The following LONP1 variants were observed in gnomAD, a reference collection of about 807,000 sequenced individuals.
The protein encoded by LONP1 is lon protease homolog, mitochondrial.
A neutral mutation model predicts 98.5 loss-of-function variants in LONP1; 31 were observed. The observed-to-expected ratio is 0.31, with a 90% CI of 0.24 to 0.42. The LOEUF (loss-of-function observed/expected upper bound fraction) is 0.42. Among genes scored for constraint, LONP1 ranks in the 20% least tolerant of loss-of-function variants. LONP1 has a pLI of 1.00. For missense variants in LONP1, 1,336 were observed against 1,350.6 expected (o/e 0.99, Z 0.17); for synonymous variants, 781 against 594.7 (o/e 1.31, Z -4.56).
chr19:5,694,202 AC>A (rs1216798602), intron 15 of LONP1, among the ~76,000 whole-genome samples, 184 bp downstream of exon 15: 1 of 151,188 alleles, frequency 6.6e-6, no homozygotes, highest in African/African-American at 2.4e-5. Context: ...GTGTGCTGCC[AC>A]CCCCATGTGT....
chr19:5,700,107 T>TA (rs986642976), intron 9 of LONP1, among the ~76,000 whole-genome samples: 3 of 151,756 alleles, frequency 2.0e-5, no homozygotes, highest in African/African-American at 7.3e-5. Context: ...CCAGGCTAAT[T>TA]AAAAAAAATT....
Position 5,692,181 on chromosome 19 carries a change from C to T in LONP1, c.2731G>A (p.Val911Ile), listed in dbSNP as rs1062373. Residue 911 changes from valine to isoleucine, a missense_variant, in exon 18 of 18, where the codon GTC (valine) becomes ATC (isoleucine). This residue lies in a region of LONP1 where 555 missense variants were observed against 542.6 expected (regional missense o/e 1.02). Transcript: ENST00000360614. ...AAKRAGVTCI[V>I]LPAENKKDFY... ...TCCTTCTTGTTCTCGGCTGGCAGGA[C>T]GATGCACGTCACCCCTGCGCGCTTG... The T allele has an allele frequency of 0.024, 38,331 of 1,613,802 alleles. 567 individuals carry two copies. Among genetic ancestry groups the T allele is most frequent in the East Asian group, 0.027 (1,212 of 44,876 alleles).
intron 8 of LONP1, among the ~76,000 whole-genome samples, chr19:5,702,832 G>A (rs2055079773): frequency 6.6e-6 from 1 of 151,102 alleles, no homozygotes; most frequent in Non-Finnish European, 1.5e-5. Flanking sequence ...TGCTGGTTAA[G>A]AGTCATCACC....
At chr19:5,715,559 G>A (rs569870107) in intron 1 of LONP1, among the ~76,000 whole-genome samples, 98 of 140,032 alleles carry the variant, frequency 7.0e-4, no homozygotes, top group South Asian at 2.5e-3. Flanking sequence ...GGAGAATGGC[G>A]TGAACCCGGG....
At chr19:5,703,657 G>A (rs1371143341) in intron 8 of LONP1, among the ~76,000 whole-genome samples, 5 of 151,340 alleles carry the variant, frequency 3.3e-5, no homozygotes, top group Non-Finnish European at 7.4e-5. Flanking sequence ...AGGCCAGCTG[G>A]GCCACACGGA....
Position 5,719,965 on chromosome 19 carries a change from G to A in LONP1, c.168C>T (p.Gly56=), listed in dbSNP as rs761820720. The change falls in exon 1 of 18, where the codon GGC becomes GGT. Residue 56 remains glycine, a synonymous_variant. Transcript: ENST00000360614. ...ATTGGCCCCCAATTGCCGGGCCTCG[G>A]CCCCACAGTGCCCAAGGAGGAGAGG... ...CDASPPWALW[G]RGPAIGGQWR... is the part of the protein sequence containing the mutation. The A allele has an allele frequency of 5.7e-6, 9 of 1,576,608 alleles. No individual in the cohort carries two copies. In the African/African-American group the frequency reaches 1.2e-4, roughly 21 times the overall value.
At chr19:5,693,887 G>A (rs2054877354) in intron 15 of LONP1, 118 bp from the exon 16 acceptor site, 2 of 837,476 alleles carry the variant, frequency 2.4e-6, no homozygotes, top group Non-Finnish European at 3.8e-6. Context: ...GGTGCCCCTG[G>A]GCAGGGGTTG....
At position 5,696,359 on chromosome 19, in the gene LONP1, C is replaced by T. The variant is rs146515571; in HGVS notation, c.1786G>A (p.Gly596Ser). The change falls in exon 12 of 18, where the codon GGC becomes AGC. Residue 596 changes from glycine to serine, a missense_variant. By Grantham distance (56) the Gly-to-Ser change is moderately conservative. This residue lies in a region of LONP1 where 555 missense variants were observed against 542.6 expected (regional missense o/e 1.02). Transcript: ENST00000360614. Reference sequence around the variant, plus strand: ...GACGGGTCCCCCTGGTAGCCTCGGCCGATCTTGTCCACCTGGGGCAGCAGA... The same window carrying T: ...GACGGGTCCCCCTGGTAGCCTCGGCTGATCTTGTCCACCTGGGGCAGCAGA... ...LILIDEVDKI[G>S]RGYQGDPSSA... The T allele has an allele frequency of 2.1e-5, 34 of 1,612,926 alleles. No individual in the cohort carries two copies. In the East Asian group the frequency reaches 3.3e-4, roughly 16 times the overall value.
At chr19:5,698,148 C>T (rs865779235) in intron 10 of LONP1, among the ~76,000 whole-genome samples, 3 of 151,910 alleles carry the variant, frequency 2.0e-5, no homozygotes, top group African/African-American at 7.3e-5. Context: ...TCCCAACTCC[C>T]GGCTGGTCAG....
In LONP1 at chr19:5,714,206, G is replaced by C. The variant is rs146460691; in HGVS notation, c.495C>G (p.Gly165=). The C allele has an allele frequency of 6.2e-7, 1 of 1,613,452 alleles. No homozygotes were observed. Among genetic ancestry groups the C allele is most frequent in the Admixed American group, 1.7e-5 (1 of 59,800 alleles). ...RKVRLAQPYV[G]VFLKRDDSNE... Reference sequence around the variant, plus strand: ...ACCTGTCATCTCTCTTTAGAAAGACGCCGACATAAGGCTGGGCGAGACGAA... The same window carrying C: ...ACCTGTCATCTCTCTTTAGAAAGACCCCGACATAAGGCTGGGCGAGACGAA... Residue 165 remains glycine (G), a synonymous_variant, in exon 2 of 18, where the codon GGC becomes GGG. Coordinates refer to ENST00000360614, the MANE Select transcript of LONP1 (RefSeq NM_004793.4).
At chr19:5,692,309 C>A (rs1033430603) in intron 17 of LONP1, 101 bp from the exon 18 acceptor site, 7 of 1,174,480 alleles carry the variant, frequency 6.0e-6, no homozygotes, top group Non-Finnish European at 8.4e-6. Context: ...CGGCGATACA[C>A]AGTGATGCCG....
At chr19:5,694,632 G>T in intron 14 of LONP1, 80 bp from the exon 15 acceptor site, 1 of 1,571,500 alleles carries the variant, frequency 6.4e-7, no homozygotes, top group Non-Finnish European at 8.7e-7. Context: ...GCACAGAAAG[G>T]TGTGACGGGC....
intron 14 of LONP1, 61 bp downstream of exon 14, chr19:5,694,700 G>A (rs2436512): frequency 1.9e-6 from 3 of 1,558,904 alleles, no homozygotes; most frequent in African/African-American, 1.3e-5. Context: ...GAAAGGTGGG[G>A]TGATCAGCGT....
At chr19:5,704,207 C>T (rs527959491) in intron 8 of LONP1, among the ~76,000 whole-genome samples, 4 of 152,292 alleles carry the variant, frequency 2.6e-5, no homozygotes, top group East Asian at 1.9e-4. Flanking sequence ...GGGATGCGGG[C>T]GCCTCCAGAT....
Position 5,707,721 on chromosome 19 carries a change from C to G in LONP1, c.1038G>C (p.Leu346=). ...AALTGAESHE[L]QDVLEETNIP... is the part of the protein sequence containing the mutation. ...CATTGGTCTCTTCCAGGACGTCCTG[C>G]AGCTCATGGGACTCGGCCCCGGTGA... The change falls in exon 6 of 18, where the codon CTG becomes CTC. Residue 346 remains leucine (L), a synonymous_variant. Coordinates refer to ENST00000360614, the MANE Select transcript of LONP1 (RefSeq NM_004793.4). 1.9e-6 allele frequency: 3 copies of G among 1,613,030 alleles called. No individual in the cohort carries two copies. The South Asian group carries it at 3.3e-5, about 18-fold the overall frequency.
chr19:5,694,593 G>C, intron 14 of LONP1, 41 bp from the exon 15 acceptor site: 1 of 1,561,144 alleles, frequency 6.4e-7, no homozygotes, highest in South Asian at 1.1e-5. Context: ...GGAAGGTGGG[G>C]TGACAGGTGC....
intron 8 of LONP1, among the ~76,000 whole-genome samples, chr19:5,704,324 G>C (rs921187817): frequency 2.0e-5 from 3 of 152,214 alleles, no homozygotes; most frequent in Non-Finnish European, 2.9e-5. Flanking sequence ...CTAAGTTGTG[G>C]CACCGTCGGA....
At position 5,713,121 on chromosome 19, in the gene LONP1, G is replaced by A. The variant is rs201968024; in HGVS notation, c.638+13C>T. The A allele has an allele frequency of 1.1e-5, 17 of 1,531,216 alleles. No homozygotes were observed. Among genetic ancestry groups the A allele is most frequent in the Admixed American group, 3.4e-5 (2 of 58,152 alleles). 94.9% of individuals were successfully genotyped at this position (1,531,216 alleles called of 1,614,324 possible). ...CTGCCCCCACCTCCCACTGTCCCCCGCCAGCCACCCACCTTCTGTGTCCCA... is the reference window on the plus strand; with the variant it reads ...CTGCCCCCACCTCCCACTGTCCCCCACCAGCCACCCACCTTCTGTGTCCCA... On this transcript the variant is annotated intron_variant, in intron 3 of 17. Coordinates refer to ENST00000360614, the MANE Select transcript of LONP1 (RefSeq NM_004793.4).
At chr19:5,710,116 T>C (rs1470500913) in intron 4 of LONP1, among the ~76,000 whole-genome samples, 2 of 149,782 alleles carry the variant, frequency 1.3e-5, no homozygotes, top group Non-Finnish European at 3.0e-5. Context: ...AGAGTTTTGC[T>C]CTTGTTGCCC....
Sources: gnomAD v4.1 joint callset for allele counts (sites outside exome capture counted in the v4.1 genomes callset) on GRCh38, gnomAD v4.1.1 for gene constraint, gnomAD v4.1.1 regional missense constraint, MANE v1.5 for transcripts, NCBI Gene and HGNC (gene_info 2026-07-23, HGNC 2026-07-21) for gene names.